The following TPO variants were observed in gnomAD, a reference collection of about 807,000 sequenced individuals.
The protein encoded by TPO is thyroid peroxidase, also known as thyroid microsomal antigen.
In TPO, 78 loss-of-function variants were observed where a neutral mutation model predicts 96.9. The observed-to-expected ratio is 0.81, with a 90% CI of 0.67 to 0.97. The LOEUF is 0.97. Among genes scored for constraint, TPO ranks in the 50% least tolerant of loss-of-function variants. TPO has a pLI of 0.00. For missense variants in TPO, 1,252 were observed against 1,274.8 expected, an observed-to-expected ratio of 0.98 and a Z score of 0.27; for synonymous variants, 547 against 538.0, an observed-to-expected ratio of 1.02 and a Z score of -0.23.
At position 1,516,930 on chromosome 2, in the gene TPO, G is replaced by A; in HGVS notation, c.2566G>A (p.Ala856Thr). The change falls in exon 15 of 17, where the codon GCT becomes ACT. Residue 856 changes from alanine (A) to threonine (T), a missense_variant. Transcript: ENST00000329066. ...RVTWISMSLA[A>T]LLIGGFAGLT... is the part of the protein sequence containing the mutation. Reference sequence around the variant, plus strand: ...GACTTGGATCTCCATGTCGCTGGCTGCTCTGCTGATCGGAGGCTTCGCAGG... The same window carrying A: ...GACTTGGATCTCCATGTCGCTGGCTACTCTGCTGATCGGAGGCTTCGCAGG... 1 of 1,614,006 alleles carries A rather than the reference G, an allele frequency of 6.2e-7. No individual in the cohort carries two copies. The highest frequency in any genetic ancestry group is 8.5e-7 in the Non-Finnish European group (1 of 1,180,034).
At position 1,542,773 on chromosome 2, in the gene TPO, T is replaced by A; in HGVS notation, c.*299T>A. 1 of 700,236 alleles carries A rather than the reference T, an allele frequency of 1.4e-6. No individual in the cohort carries two copies. The highest frequency in any genetic ancestry group is 2.2e-6 in the Non-Finnish European group (1 of 447,418). The allele number at this position is 700,236 out of a possible 1,614,324, so 43.4% of individuals were successfully genotyped here. A position where few individuals can be genotyped will look rare whatever the true frequency, so the allele number is the denominator to read the frequency against. ...CCTGGAAACACCACTCTTGCAATCCTCCTGTCTCCACCTTCTGGCATCTCT... is the reference window on the plus strand; with the variant it reads ...CCTGGAAACACCACTCTTGCAATCCACCTGTCTCCACCTTCTGGCATCTCT... On this transcript the variant is annotated 3_prime_UTR_variant, in exon 17 of 17. Transcript: ENST00000329066.
At chr2:1,423,543 C>A (rs76566230) in intron 3 of TPO, among the ~76,000 whole-genome samples, 2 of 152,078 alleles carry the variant, frequency 1.3e-5, no homozygotes, top group East Asian at 1.9e-4. Flanking sequence ...GGCTCTCCCC[C>A]ATTTTTGAAA....
At chr2:1,516,102 G>A (rs1674674522) in intron 14 of TPO, among the ~76,000 whole-genome samples, 1 of 152,132 alleles carries the variant, frequency 6.6e-6, no homozygotes, top group Non-Finnish European at 1.5e-5. Context: ...CCAAGGGCTG[G>A]AGCCCAGGAG....
intron 1 of TPO, among the ~76,000 whole-genome samples, chr2:1,407,133 A>G (rs1183495905): frequency 3.3e-5 from 5 of 152,232 alleles, no homozygotes. Flanking sequence ...AAACGTTTCC[A>G]CCGGGTTTAC....
chr2:1,529,189 TC>T (rs67901736), intron 15 of TPO, among the ~76,000 whole-genome samples: 3,236 of 28,594 alleles, frequency 0.11, 221 homozygotes, highest in Non-Finnish European at 0.13. Flanking sequence ...CCTCTCCAAA[TC>T]CCCCCCACTC....
chr2:1,500,312 T>G (rs2124974472), intron 13 of TPO, among the ~76,000 whole-genome samples: 1 of 152,332 alleles, frequency 6.6e-6, no homozygotes, highest in African/African-American at 2.4e-5. Context: ...TTTTTGTTTG[T>G]TTTATCATAT....
chr2:1,539,838 G>T (rs946842848), intron 15 of TPO, among the ~76,000 whole-genome samples: 3 of 145,188 alleles, frequency 2.1e-5, no homozygotes, highest in Admixed American at 2.0e-4. Flanking sequence ...GACCACCAAG[G>T]CAAGGGAAGG....
At chr2:1,540,090 C>G (rs2125348652) in intron 15 of TPO, among the ~76,000 whole-genome samples, 1 of 152,312 alleles carries the variant, frequency 6.6e-6, no homozygotes, top group African/African-American at 2.4e-5. Flanking sequence ...TCCACGCCTC[C>G]CAGAGACCAG....
At chr2:1,538,184 G>C (rs1438663188) in intron 15 of TPO, among the ~76,000 whole-genome samples, 1 of 150,862 alleles carries the variant, frequency 6.6e-6, no homozygotes, top group Non-Finnish European at 1.5e-5. Context: ...CCCCCCTGCA[G>C]GGAGTGGCTT....
Position 1,494,740 on chromosome 2 carries a change from A to C in TPO, c.2006+701A>C, listed in dbSNP as rs3772076. On this transcript the variant is annotated intron_variant, in intron 11 of 16. Coordinates refer to ENST00000329066, the MANE Select transcript of TPO (RefSeq NM_001206744.2). ...AGGAAAATGTTTTCTTTTGCTTTTAAATACATCCCTACCTATCCAATTCTC... is the reference window on the plus strand; with the variant it reads ...AGGAAAATGTTTTCTTTTGCTTTTACATACATCCCTACCTATCCAATTCTC... Among the ~76,000 whole-genome samples, 540 of 152,332 alleles carry C rather than the reference A, an allele frequency of 3.5e-3. 10 individuals are homozygous for C. In the East Asian group the frequency reaches 0.042, roughly 12 times the overall value.
chr2:1,463,982 C>T (rs138235026), intron 7 of TPO, among the ~76,000 whole-genome samples: 223 of 151,910 alleles, frequency 1.5e-3, no homozygotes, highest in Middle Eastern at 0.01. Context: ...TGTGAGATTT[C>T]GGTGCACCCA....
At chr2:1,453,136 T>C (rs1025505380) in intron 5 of TPO, among the ~76,000 whole-genome samples, 1 of 152,242 alleles carries the variant, frequency 6.6e-6, no homozygotes, top group Non-Finnish European at 1.5e-5. Context: ...TACTTTATTT[T>C]AATTCAAATT....
intron 14 of TPO, among the ~76,000 whole-genome samples, chr2:1,505,301 A>C (rs1408298602): frequency 1.5e-5 from 2 of 135,874 alleles, no homozygotes; most frequent in African/African-American, 2.9e-5. Context: ...ATCCTATATC[A>C]GGCACATCCC....
intron 8 of TPO, 124 bp downstream of exon 8, chr2:1,477,728 T>TG: frequency 7.3e-7 from 1 of 1,374,394 alleles, no homozygotes; most frequent in Non-Finnish European, 9.4e-7. Flanking sequence ...GGCGCCCACA[T>TG]GGGTGAGCTC....
intron 1 of TPO, among the ~76,000 whole-genome samples, chr2:1,384,869 A>G (rs951607380): frequency 6.6e-6 from 1 of 152,174 alleles, no homozygotes; most frequent in East Asian, 1.9e-4. Context: ...AGCTGTTATT[A>G]TTTTTAGATA....
Position 1,453,805 on chromosome 2 carries a change from C to CG in TPO, c.597dup (p.Phe200ValfsTer19). 2 of 1,613,792 alleles carry CG rather than the reference C, an allele frequency of 1.2e-6. No homozygotes were observed. The highest frequency in any genetic ancestry group is 1.7e-6 in the Non-Finnish European group (2 of 1,180,036). Reference sequence around the variant, plus strand: ...GCTGGAACCCCGGCTTCTTGTACAACGGGTTCCCACTGCCCCCGGTGGGTA... The same window carrying CG: ...GCTGGAACCCCGGCTTCTTGTACAACGGGGTTCCCACTGCCCCCGGTGGGTA... On this transcript the variant is annotated frameshift_variant, in exon 6 of 17. Coordinates refer to ENST00000329066, the MANE Select transcript of TPO (RefSeq NM_001206744.2). LOFTEE classifies it high-confidence loss of function.
chr2:1,497,945 CAGG>C (rs1272170337), intron 13 of TPO, among the ~76,000 whole-genome samples: 3 of 138,764 alleles, frequency 2.2e-5, no homozygotes, highest in Admixed American at 7.9e-5. Flanking sequence ...CCTCTGAGGC[CAGG>C]AGTTCAAGAC....
At chr2:1,540,919 G>C (rs1680690616) in intron 16 of TPO, 196 bp downstream of exon 16, 1 of 1,538,278 alleles carries the variant, frequency 6.5e-7, no homozygotes. Flanking sequence ...TGCTTAGTGA[G>C]AGGAATGAAG....
chr2:1,421,218 C>T (rs1663481421), intron 2 of TPO, among the ~76,000 whole-genome samples: 1 of 152,130 alleles, frequency 6.6e-6, no homozygotes. Context: ...TTGCCAGGCC[C>T]TGGACCAAAA....
Sources: allele counts gnomAD v4.1 joint callset (sites outside exome capture counted in the v4.1 genomes callset), GRCh38; gene constraint gnomAD v4.1.1; transcripts MANE v1.5; gene names NCBI Gene and HGNC (gene_info 2026-07-23, HGNC 2026-07-21).